The following SOS1 variants were observed in gnomAD, a reference collection of about 807,000 sequenced individuals.
SOS1 encodes son of sevenless homolog 1.
In SOS1, 25 loss-of-function variants were observed where a neutral mutation model predicts 157.6. The observed-to-expected ratio is 0.16, with a 90% CI of 0.12 to 0.22. The LOEUF (loss-of-function observed/expected upper bound fraction) is 0.22. Among genes scored for constraint, SOS1 ranks in the 10% least tolerant of loss-of-function variants. SOS1 has a pLI of 1.00. For missense variants in SOS1, 1,237 were observed against 1,599.1 expected (o/e 0.77, Z 3.86); for synonymous variants, 528 against 534.0 (o/e 0.99, Z 0.16).
chr2:39,073,974 T>TA (rs1671874267), intron 1 of SOS1, among the ~76,000 whole-genome samples: 2 of 152,232 alleles, frequency 1.3e-5, no homozygotes, highest in African/African-American at 4.8e-5. Context: ...TACAATTCTT[T>TA]AGTCAATGTT....
In SOS1 at chr2:38,982,334, T is replaced by C. The variant is rs1208077937; in HGVS notation, c.*3490A>G. ...CTTAAGTAGAGCTCAAAATATTTCA[T>C]TGGCTCATGTATAAGGGATTATGAA... On this transcript the variant is annotated 3_prime_UTR_variant, in exon 23 of 23. Transcript: ENST00000402219. 5 of 152,190 alleles carry C rather than the reference T, an allele frequency of 3.3e-5. No homozygotes were observed. Among genetic ancestry groups the C allele is most frequent in the African/African-American group, 9.6e-5 (4 of 41,452 alleles). The allele number at this position is 152,190 out of a possible 1,614,324, so 9.4% of individuals were successfully genotyped here.
At chr2:39,056,565 C>T in intron 4 of SOS1, 137 bp downstream of exon 4, 1 of 665,552 alleles carries the variant, frequency 1.5e-6, no homozygotes, top group South Asian at 1.7e-5. Context: ...AAAGTGGTAT[C>T]TTGAATCCCT....
intron 3 of SOS1, among the ~76,000 whole-genome samples, chr2:39,057,738 A>C (rs1030231942): frequency 2.0e-5 from 3 of 152,102 alleles, no homozygotes; most frequent in African/African-American, 7.2e-5. Flanking sequence ...ACAATTCAAC[A>C]TATGGCCAAT....
Position 39,076,264 on chromosome 2 carries a change from G to GCTCCAAAATACAAAAAT in SOS1, c.88-8512_88-8511insATTTTTGTATTTTGGAG, listed in dbSNP as rs1671993960. Reference sequence around the variant, plus strand: ...AAAATACAAAAATTAGCCAGGCATGGTAGCACACATCTGTGGTCCCAGTTA... The same window carrying GCTCCAAAATACAAAAAT: ...AAAATACAAAAATTAGCCAGGCATGGCTCCAAAATACAAAAATTAGCACACATCTGTGGTCCCAGTTA... On this transcript the variant is annotated intron_variant, in intron 1 of 22. Coordinates refer to ENST00000402219, the MANE Select transcript of SOS1 (RefSeq NM_005633.4). Among the ~76,000 whole-genome samples, 3 of 152,108 alleles carry GCTCCAAAATACAAAAAT rather than the reference G, an allele frequency of 2.0e-5. No individual in the cohort carries two copies. The South Asian group carries it at 6.2e-4, about 32-fold the overall frequency.
At chr2:39,073,133 T>A (rs367878089) in intron 1 of SOS1, among the ~76,000 whole-genome samples, 2 of 152,262 alleles carry the variant, frequency 1.3e-5, no homozygotes, top group Non-Finnish European at 1.5e-5. Flanking sequence ...AGACATTTAA[T>A]AGATCAAATG....
At chr2:39,113,099 C>G (rs1673501454) in intron 1 of SOS1, among the ~76,000 whole-genome samples, 1 of 152,006 alleles carries the variant, frequency 6.6e-6, no homozygotes, top group Non-Finnish European at 1.5e-5. Context: ...CCCTGCTCCC[C>G]AACCTACAAA....
In SOS1 at chr2:39,036,610, G is replaced by C. The variant is rs185002474; in HGVS notation, c.865-1110C>G. On this transcript the variant is annotated intron_variant, in intron 6 of 22. Coordinates refer to ENST00000402219, the MANE Select transcript of SOS1 (RefSeq NM_005633.4). The stretch of plus-strand genomic sequence containing the variant: ...TCTTTTTGGGACGGAGTCTCCCTCT[G>C]TCGGCCAGGCTGGAGTGCAGTGGCG... Among the ~76,000 whole-genome samples, 163 of 151,580 alleles carry C rather than the reference G, an allele frequency of 1.1e-3. 1 individual carries two copies. The highest frequency in any genetic ancestry group is 3.8e-3 in the African/African-American group (157 of 41,406).
At position 39,021,122 on chromosome 2, in the gene SOS1, T is replaced by C. The variant is rs1669781027; in HGVS notation, c.1858+1448A>G. On this transcript the variant is annotated intron_variant, in intron 10 of 22. Coordinates refer to ENST00000402219, the MANE Select transcript of SOS1 (RefSeq NM_005633.4). ...TCTATACCAAAGCTAAAAATTGATA[T>C]AGAAAAGAAGTATCAGACAGAAATA... Among the ~76,000 whole-genome samples, 6 of 151,600 alleles carry C rather than the reference T, an allele frequency of 4.0e-5. No individual in the cohort carries two copies. The South Asian group carries it at 1.2e-3, about 31-fold the overall frequency.
chr2:39,107,900 C>T (rs1246692122), intron 1 of SOS1, among the ~76,000 whole-genome samples: 3 of 152,124 alleles, frequency 2.0e-5, no homozygotes, highest in Non-Finnish European at 4.4e-5. Flanking sequence ...TGAGGCTATA[C>T]CTGCCTGTGA....
At chr2:39,041,057 G>T (rs1204805931) in intron 6 of SOS1, among the ~76,000 whole-genome samples, 1 of 152,080 alleles carries the variant, frequency 6.6e-6, no homozygotes, top group Non-Finnish European at 1.5e-5. Flanking sequence ...AAGTGGTACT[G>T]CATAATGTTT....
chr2:39,022,250 GT>G (rs1669822067), intron 10 of SOS1, among the ~76,000 whole-genome samples: 5 of 151,662 alleles, frequency 3.3e-5, no homozygotes, highest in Admixed American at 2.6e-4. Context: ...AGATAAAGGA[GT>G]AAAAAACTTT....
At position 39,012,155 on chromosome 2, in the gene SOS1, T is replaced by C. The variant is rs770641359; in HGVS notation, c.2361A>G (p.Gln787=). 1 of 1,613,326 alleles carries C rather than the reference T, an allele frequency of 6.2e-7. No individual in the cohort carries two copies. The highest frequency in any genetic ancestry group is 1.7e-5 in the Admixed American group (1 of 59,996). ...ATAGATCTGATTCAAGTAAAGTGAGTTGTCGAGCAATTTCTATTGGGTGTA... is the reference window on the plus strand; with the variant it reads ...ATAGATCTGATTCAAGTAAAGTGAGCTGTCGAGCAATTTCTATTGGGTGTA... ...LTLHPIEIAR[Q]LTLLESDLYR... is the part of the protein sequence containing the mutation. Residue 787 remains glutamine (Q), a synonymous_variant, in exon 14 of 23, where the codon CAA becomes CAG. Transcript: ENST00000402219.
Position 39,121,005 on chromosome 2 carries a change from G to T in SOS1, c.-583C>A. On this transcript the variant is annotated 5_prime_UTR_variant, in exon 1 of 23. Transcript: ENST00000402219. ...GCCGCCGCCGCCACCGCCGCCGCCG[G>T]TGTAGCGCTGGAGCTTCCTACTAGC... is the stretch of plus-strand genomic sequence containing the variant. 1 of 175,192 alleles carries T rather than the reference G, an allele frequency of 5.7e-6. No individual in the cohort carries two copies. Among genetic ancestry groups the T allele is most frequent in the Non-Finnish European group, 1.2e-5 (1 of 85,394 alleles). 10.9% of individuals were successfully genotyped at this position (175,192 alleles called of 1,614,324 possible). A position where few individuals can be genotyped will look rare whatever the true frequency, so the allele number is the denominator to read the frequency against.
chr2:38,994,907 A>G (rs1668841788), intron 20 of SOS1, among the ~76,000 whole-genome samples: 1 of 152,196 alleles, frequency 6.6e-6, no homozygotes. Context: ...ATTAACGTAT[A>G]ATAAATTTAA....
In SOS1 at chr2:39,035,468, A is replaced by G; in HGVS notation, c.897T>C (p.Ala299=). The G allele has an allele frequency of 6.2e-7, 1 of 1,613,560 alleles. No individual in the cohort carries two copies. The highest frequency in any genetic ancestry group is 1.1e-5 in the South Asian group (1 of 91,070). ...ELAFDPYESY[A]RDILRPGFHD... is the part of the protein sequence containing the mutation. ...GAAAACCAGGTCGCAAAATATCTCG[A>G]GCATACGATTCATATGGATCAAATG... Residue 299 remains alanine (A), a synonymous_variant, in exon 7 of 23, where the codon GCT becomes GCC. Coordinates refer to ENST00000402219, the MANE Select transcript of SOS1 (RefSeq NM_005633.4).
intron 1 of SOS1, among the ~76,000 whole-genome samples, chr2:39,105,728 C>G (rs1055045925): frequency 7.3e-5 from 11 of 151,600 alleles, no homozygotes; most frequent in African/African-American, 2.7e-4. Flanking sequence ...GAAACCCTGT[C>G]TCTACTAAAA....
intron 17 of SOS1, among the ~76,000 whole-genome samples, chr2:38,997,893 C>G (rs1668952645): frequency 6.6e-6 from 1 of 152,060 alleles, no homozygotes; most frequent in Non-Finnish European, 1.5e-5. Context: ...AGGAAAAATA[C>G]TAAATTCAGA....
intron 1 of SOS1, among the ~76,000 whole-genome samples, chr2:39,092,449 C>T (rs1185080575): frequency 3.3e-5 from 5 of 152,172 alleles, no homozygotes; most frequent in African/African-American, 1.2e-4. Flanking sequence ...AGGCTGTCCT[C>T]GACCATTATT....
chr2:38,989,878 G>A (rs1668678460), intron 20 of SOS1, among the ~76,000 whole-genome samples: 1 of 151,834 alleles, frequency 6.6e-6, no homozygotes, highest in Non-Finnish European at 1.5e-5. Flanking sequence ...AACATTTGGT[G>A]CCTAGACTCA....
Sources: gnomAD v4.1 joint callset for allele counts (sites outside exome capture counted in the v4.1 genomes callset) on GRCh38, gnomAD v4.1.1 for gene constraint, MANE v1.5 for transcripts, NCBI Gene and HGNC (gene_info 2026-07-23, HGNC 2026-07-21) for gene names.